Variants in STK17B observed in about 807,000 individuals in gnomAD.
STK17B encodes serine/threonine kinase 17b, also known as serine/threonine-protein kinase 17B.
STK17B carries 21 observed loss-of-function variants against 42.0 expected under a neutral mutation model. The observed-to-expected ratio is 0.50, with a 90% CI of 0.35 to 0.72. STK17B has a LOEUF of 0.72. Among genes scored for constraint, STK17B ranks in the 30% least tolerant of loss-of-function variants. The pLI, the probability that STK17B is intolerant of heterozygous loss-of-function variation, is 0.00. For synonymous variants in STK17B, 143 were observed against 148.4 expected (o/e 0.96, Z 0.26); for missense variants, 349 against 446.0 (o/e 0.78, Z 1.96).
intron 7 of STK17B, among the ~76,000 whole-genome samples, chr2:196,138,821 G>A (rs974245062): frequency 3.3e-5 from 5 of 152,132 alleles, no homozygotes; most frequent in African/African-American, 4.8e-5. Context: ...TGATCTGGCC[G>A]CCTTGGCCTC....
In STK17B at chr2:196,163,414, T is replaced by C; in HGVS notation, c.-31A>G. 2.6e-6 allele frequency: 4 copies of C among 1,553,082 alleles called. No individual in the cohort carries two copies. Among genetic ancestry groups the C allele is most frequent in the African/African-American group, 1.4e-5 (1 of 72,018 alleles). ...GTGATTCCCAGGTCTGCTTCTTTAGTCACTTATTTTTACCTATGCAAAAAA... is the reference window on the plus strand; with the variant it reads ...GTGATTCCCAGGTCTGCTTCTTTAGCCACTTATTTTTACCTATGCAAAAAA... On this transcript the variant is annotated 5_prime_UTR_variant, in exon 2 of 8. Coordinates refer to ENST00000263955, the MANE Select transcript of STK17B (RefSeq NM_004226.4).
chr2:196,156,719 C>G lies in STK17B; in HGVS notation c.123-68G>C, dbSNP rs1237697490. ...GAACAACGTTAGTATATTACAGATTCTGTTATACCTCCAACTTAAAGTCAA... is the reference window on the plus strand; with the variant it reads ...GAACAACGTTAGTATATTACAGATTGTGTTATACCTCCAACTTAAAGTCAA... On this transcript the variant is annotated intron_variant, in intron 2 of 7. Transcript: ENST00000263955. The G allele has an allele frequency of 5.2e-6, 6 of 1,164,778 alleles. No homozygotes were observed. The African/African-American group carries it at 7.6e-5, about 15-fold the overall frequency. The allele number at this position is 1,164,778 out of a possible 1,614,324, so 72.2% of individuals were successfully genotyped here.
At position 196,135,161 on chromosome 2, in the gene STK17B, A is replaced by C. The variant is rs1171840505; in HGVS notation, c.*2286T>G. The C allele has an allele frequency of 6.6e-6, 1 of 152,214 alleles. No homozygotes were observed. The highest frequency in any genetic ancestry group is 1.9e-4 in the East Asian group (1 of 5,204). The allele number at this position is 152,214 out of a possible 1,614,324, so 9.4% of individuals were successfully genotyped here. A position where few individuals can be genotyped will look rare whatever the true frequency, so the allele number is the denominator to read the frequency against. On this transcript the variant is annotated 3_prime_UTR_variant, in exon 8 of 8. Coordinates refer to ENST00000263955, the MANE Select transcript of STK17B (RefSeq NM_004226.4). ...TTAACAAATGAACTTATAATTTAAAATTCAAATATTTCTTGATTTTTTGGG... is the reference window on the plus strand; with the variant it reads ...TTAACAAATGAACTTATAATTTAAACTTCAAATATTTCTTGATTTTTTGGG...
chr2:196,162,179 A>G (rs1242796855), intron 2 of STK17B, among the ~76,000 whole-genome samples: 1 of 152,222 alleles, frequency 6.6e-6, no homozygotes, highest in African/African-American at 2.4e-5. Flanking sequence ...ATAACTTGGT[A>G]TATCTTTTAT....
chr2:196,168,612 T>A (rs1177563043), intron 1 of STK17B, among the ~76,000 whole-genome samples: 1 of 152,164 alleles, frequency 6.6e-6, no homozygotes, highest in Non-Finnish European at 1.5e-5. Context: ...GGGTCAGGGA[T>A]GAACCAAAAT....
chr2:196,150,040 TAAG>T (rs1208009383), intron 3 of STK17B, among the ~76,000 whole-genome samples: 1 of 151,506 alleles, frequency 6.6e-6, no homozygotes, highest in East Asian at 1.9e-4. Flanking sequence ...TAGGAAGACT[TAAG>T]AGGAGGGAAA....
chr2:196,158,927 C>CTTGAACTCGGCAGACGGAGG (rs1288145376), intron 2 of STK17B, among the ~76,000 whole-genome samples: 1 of 150,352 alleles, frequency 6.7e-6, no homozygotes, highest in Non-Finnish European at 1.5e-5. Flanking sequence ...AGGAGAATCA[C>CTTGAACTCGGCAGACGGAGG]TTGAACTCGG....
chr2:196,147,200 T>A (rs1469026421), intron 3 of STK17B, among the ~76,000 whole-genome samples: 1 of 152,204 alleles, frequency 6.6e-6, no homozygotes, highest in African/African-American at 2.4e-5. Flanking sequence ...TATTTGGGAA[T>A]ACACAAGTAT....
rs1559405275 is a variant in STK17B at position 196,133,611 on chromosome 2, AAAG to A, written c.*3833_*3835del. 6.6e-6 allele frequency: 1 copy of A among 152,250 alleles called. No individual in the cohort carries two copies. The highest frequency in any genetic ancestry group is 1.5e-5 in the Non-Finnish European group (1 of 68,034). The allele number at this position is 152,250 out of a possible 1,614,324, so 9.4% of individuals were successfully genotyped here. A position where few individuals can be genotyped will look rare whatever the true frequency, so the allele number is the denominator to read the frequency against. On this transcript the variant is annotated 3_prime_UTR_variant, in exon 8 of 8. Transcript: ENST00000263955. The stretch of plus-strand genomic sequence containing the variant: ...CTTTACAGATATGTTTATTAGACAC[AAAG>A]AGGGTTCATAGATGACCTAGGTCAA...
chr2:196,139,338 G>A (rs572246573), intron 7 of STK17B, among the ~76,000 whole-genome samples: 1 of 152,252 alleles, frequency 6.6e-6, no homozygotes, highest in African/African-American at 2.4e-5. Context: ...AAATTTCTAT[G>A]ACTAATTATT....
intron 1 of STK17B, chr2:196,170,875 G>A (rs560568481): frequency 2.0e-5 from 3 of 152,236 alleles, no homozygotes; most frequent in Admixed American, 6.5e-5. Flanking sequence ...ACGCGTCCAC[G>A]AGTCCCGATG....
In STK17B at chr2:196,134,171, A is replaced by C. The variant is rs2105664184; in HGVS notation, c.*3276T>G. 1 of 152,318 alleles carries C rather than the reference A, an allele frequency of 6.6e-6. No individual in the cohort carries two copies. Among genetic ancestry groups the C allele is most frequent in the East Asian group, 1.9e-4 (1 of 5,190 alleles). The allele number at this position is 152,318 out of a possible 1,614,324, so 9.4% of individuals were successfully genotyped here. On this transcript the variant is annotated 3_prime_UTR_variant, in exon 8 of 8. Coordinates refer to ENST00000263955, the MANE Select transcript of STK17B (RefSeq NM_004226.4). ...GAAAATCAATTACATCACTAATCAT[A>C]CTGGCTCAGTTGACTTTTTTTAAAT...
At chr2:196,146,089 AT>A in intron 3 of STK17B, 34 bp from the exon 4 acceptor site, 1 of 1,545,380 alleles carries the variant, frequency 6.5e-7, no homozygotes, top group Non-Finnish European at 8.7e-7. Context: ...AGACTTGAAA[AT>A]TCATTCACCT....
intron 2 of STK17B, among the ~76,000 whole-genome samples, chr2:196,162,403 T>C (rs962443260): frequency 6.8e-6 from 1 of 147,782 alleles, no homozygotes; most frequent in Non-Finnish European, 1.5e-5. Flanking sequence ...TCCCTATTTC[T>C]TCTTCTTCTT....
In STK17B at chr2:196,156,576, C is replaced by T; in HGVS notation, c.198G>A (p.Lys66=). 1 of 1,613,984 alleles carries T rather than the reference C, an allele frequency of 6.2e-7. No homozygotes were observed. Among genetic ancestry groups the T allele is most frequent in the Non-Finnish European group, 8.5e-7 (1 of 1,179,976 alleles). Residue 66 remains lysine (K), a synonymous_variant, in exon 3 of 8, where the codon AAG becomes AAA. Transcript: ENST00000263955. The stretch of plus-strand genomic sequence containing the variant: ...CTCGACAATCCTGTCCTCTTCTTCT[C>T]TTTTTTAGAAATTTTGCAGCATATT... ...GQEYAAKFLK[K]RRRGQDCRAE...
upstream of STK17B, chr2:196,176,156 A>G (rs1350798322): frequency 1.3e-5 from 2 of 152,168 alleles, no homozygotes; most frequent in African/African-American, 2.4e-5. Context: ...AGCACACCCT[A>G]CAATATTTAA....
chr2:196,174,312 G>T (rs569974455), upstream of STK17B: 1 of 152,154 alleles, frequency 6.6e-6, no homozygotes, highest in Non-Finnish European at 1.5e-5. Context: ...ATTCTGTCCA[G>T]GGAAGGGACC....
intron 1 of STK17B, among the ~76,000 whole-genome samples, chr2:196,163,704 C>A (rs938445626): frequency 1.3e-5 from 2 of 152,050 alleles, no homozygotes; most frequent in Non-Finnish European, 2.9e-5. Flanking sequence ...ATAATGCAAA[C>A]AATCACTTAG....
chr2:196,142,439 TGTCTTCAC>T (rs1699507264), intron 5 of STK17B, among the ~76,000 whole-genome samples: 1 of 152,160 alleles, frequency 6.6e-6, no homozygotes, highest in South Asian at 2.1e-4. Context: ...AATTTTCTGC[TGTCTTCAC>T]TTGCCAAAAA....
Sources: gnomAD v4.1 joint callset for allele counts (sites outside exome capture counted in the v4.1 genomes callset) on GRCh38, gnomAD v4.1.1 for gene constraint, MANE v1.5 for transcripts, NCBI Gene and HGNC (gene_info 2026-07-23, HGNC 2026-07-21) for gene names.